The following ARNT2 variants were observed in gnomAD, a reference collection of about 807,000 sequenced individuals.
The protein encoded by ARNT2 is ARNT protein 2.
In ARNT2, 36 loss-of-function variants were observed where a neutral mutation model predicts 91.7. That is an observed-to-expected ratio of 0.39 (90% CI 0.30 to 0.52). ARNT2 has a LOEUF of 0.52. Ranked by LOEUF, ARNT2 falls within the 20% of genes least tolerant of loss-of-function variation. The pLI is 0.72. For synonymous variants in ARNT2, 365 were observed against 347.1 expected (o/e 1.05, Z -0.57); for missense variants, 775 against 939.3 (o/e 0.83, Z 2.29).
chr15:80,565,469 C>G (rs1385179458), intron 12 of ARNT2, among the ~76,000 whole-genome samples: 1 of 151,996 alleles, frequency 6.6e-6, no homozygotes, highest in African/African-American at 2.4e-5. Flanking sequence ...ATTTACATTC[C>G]CATCATCAGT....
chr15:80,524,516 C>A (rs1021983217), intron 8 of ARNT2, among the ~76,000 whole-genome samples: 2 of 152,136 alleles, frequency 1.3e-5, no homozygotes, highest in Non-Finnish European at 2.9e-5. Context: ...TTAAAAATAG[C>A]ATGGGACATC....
At position 80,597,207 on chromosome 15, in the gene ARNT2, G is replaced by T. The variant is rs76861207; in HGVS notation, c.*3509G>T. On this transcript the variant is annotated 3_prime_UTR_variant, in exon 19 of 19. Coordinates refer to ENST00000303329, the MANE Select transcript of ARNT2 (RefSeq NM_014862.4). ...AAACCAGTCCCAGGGAATGAATGGTGGTCTCCCCACTCCCGGCAGCACTTT... is the reference window on the plus strand; with the variant it reads ...AAACCAGTCCCAGGGAATGAATGGTTGTCTCCCCACTCCCGGCAGCACTTT... The T allele has an allele frequency of 1.9e-6, 1 of 518,168 alleles. No individual in the cohort carries two copies. The highest frequency in any genetic ancestry group is 3.8e-6 in the Non-Finnish European group (1 of 259,788). The allele number at this position is 518,168 out of a possible 1,614,324, so 32.1% of individuals were successfully genotyped here.
chr15:80,491,159 A>T (rs1897051110), intron 5 of ARNT2, among the ~76,000 whole-genome samples: 1 of 152,138 alleles, frequency 6.6e-6, no homozygotes, highest in South Asian at 2.1e-4. Flanking sequence ...GGCTCTGGGG[A>T]AGTGAGGAAG....
chr15:80,409,604 A>G (rs1448241723), intron 1 of ARNT2, among the ~76,000 whole-genome samples: 2 of 152,230 alleles, frequency 1.3e-5, no homozygotes, highest in African/African-American at 2.4e-5. Context: ...CACTGTGGTG[A>G]GCAAATTAGG....
At chr15:80,587,250 T>C (rs961029399) in intron 17 of ARNT2, among the ~76,000 whole-genome samples, 2 of 151,968 alleles carry the variant, frequency 1.3e-5, no homozygotes, top group African/African-American at 2.4e-5. Context: ...GTCAGCACTA[T>C]TGACATTTTA....
chr15:80,575,045 C>A lies in ARNT2; in HGVS notation c.1448C>A (p.Ala483Glu). The change falls in exon 14 of 19, where the codon GCG becomes GAG. Residue 483 changes from alanine to glutamate, a missense_variant. Ala to Glu is a moderately radical substitution (Grantham distance 107, BLOSUM62 -1). This residue lies in a region of ARNT2 where 325 missense variants were observed against 359.9 expected (regional missense o/e 0.90). Coordinates refer to ENST00000303329, the MANE Select transcript of ARNT2 (RefSeq NM_014862.4). ...VHEAGKSVEK[A>E]DAIFSQERDP... Reference sequence around the variant, plus strand: ...GAGGCCGGGAAGTCCGTGGAAAAGGCGGATGCAATCTTCTCCCAGGAAAGA... The same window carrying A: ...GAGGCCGGGAAGTCCGTGGAAAAGGAGGATGCAATCTTCTCCCAGGAAAGA... The A allele has an allele frequency of 1.2e-6, 2 of 1,614,152 alleles. No homozygotes were observed. The highest frequency in any genetic ancestry group is 2.2e-5 in the East Asian group (1 of 44,872).
At chr15:80,524,729 G>T (rs997487916) in intron 8 of ARNT2, among the ~76,000 whole-genome samples, 1 of 151,972 alleles carries the variant, frequency 6.6e-6, no homozygotes, top group African/African-American at 2.4e-5. Flanking sequence ...ACAAAAATTA[G>T]CTGGGCGTGG....
chr15:80,445,496 G>A (rs1896284336), intron 1 of ARNT2, among the ~76,000 whole-genome samples: 1 of 151,372 alleles, frequency 6.6e-6, no homozygotes. Context: ...TGGTGTGTGT[G>A]AGTGGTATGC....
At chr15:80,450,367 T>TA (rs960180397) in intron 1 of ARNT2, among the ~76,000 whole-genome samples, 1 of 152,216 alleles carries the variant, frequency 6.6e-6, no homozygotes, top group African/African-American at 2.4e-5. Flanking sequence ...AGGGCTCAGA[T>TA]ACTCAGGGCT....
intron 5 of ARNT2, among the ~76,000 whole-genome samples, chr15:80,504,884 C>T (rs770455837): frequency 4.6e-5 from 7 of 151,996 alleles, no homozygotes; most frequent in East Asian, 1.9e-4. Flanking sequence ...TGAGTCCTTC[C>T]GGGCAGCAGC....
In ARNT2 at chr15:80,527,316, G is replaced by A. The variant is rs191268516; in HGVS notation, c.877+12911G>A. Among the ~76,000 whole-genome samples, 31 of 152,304 alleles carry A rather than the reference G, an allele frequency of 2.0e-4. No individual in the cohort carries two copies. In the South Asian group the frequency reaches 2.7e-3, roughly 13 times the overall value. ...AAGCCACAGGTCAAGGGTCATAACC[G>A]AGACACATGTAGGGGAAACATGCAT... On this transcript the variant is annotated intron_variant, in intron 8 of 18. Transcript: ENST00000303329.
chr15:80,577,975 A>T (rs774063873), intron 15 of ARNT2, among the ~76,000 whole-genome samples: 12 of 152,194 alleles, frequency 7.9e-5, no homozygotes, highest in Admixed American at 7.9e-4. Flanking sequence ...CCTAACCATC[A>T]TCACCGCAGG....
At position 80,565,254 on chromosome 15, in the gene ARNT2, T is replaced by C. The variant is rs12442878; in HGVS notation, c.1316+2015T>C. Among the ~76,000 whole-genome samples, 721 of 152,324 alleles carry C rather than the reference T, an allele frequency of 4.7e-3. 9 individuals carry two copies. The highest frequency in any genetic ancestry group is 0.028 in the Admixed American group (434 of 15,300). ...TTTTCTTTATTCAGCCCACCGTTGA[T>C]GGGCACCTGGATTTGTTCCTTGTCT... is the stretch of plus-strand genomic sequence containing the variant. On this transcript the variant is annotated intron_variant, in intron 12 of 18. Coordinates refer to ENST00000303329, the MANE Select transcript of ARNT2 (RefSeq NM_014862.4).
At chr15:80,572,899 A>AGT (rs1046302890) in intron 12 of ARNT2, among the ~76,000 whole-genome samples, 3 of 152,228 alleles carry the variant, frequency 2.0e-5, no homozygotes, top group African/African-American at 7.2e-5. Context: ...GGTTGCTGTC[A>AGT]GTGCTGTGGA....
At chr15:80,575,160 C>A (rs1360186208) in intron 14 of ARNT2, 50 bp downstream of exon 14, 4 of 1,600,318 alleles carry the variant, frequency 2.5e-6, no homozygotes, top group Admixed American at 1.7e-5. Context: ...TTTACAGTTG[C>A]TTTCAGGCCA....
At chr15:80,479,703 AG>A in intron 5 of ARNT2, among the ~76,000 whole-genome samples, 1 of 152,308 alleles carries the variant, frequency 6.6e-6, no homozygotes, top group African/African-American at 2.4e-5. Context: ...AAAACCCAAG[AG>A]GACCTATTCT....
chr15:80,581,292 G>A lies in ARNT2; in HGVS notation c.1806G>A (p.Thr602=), dbSNP rs139431567. ...AGTCATCTCCCTTTGGGATTGGAAC[G>A]AGCCACACCTACCCGGCAGACCCCT... ...KTQSSPFGIG[T]SHTYPADPSS... is the part of the protein sequence containing the mutation. Residue 602 remains threonine, a synonymous_variant, in exon 17 of 19, where the codon ACG becomes ACA. Transcript: ENST00000303329. 196 of 1,614,030 alleles carry A rather than the reference G, an allele frequency of 1.2e-4. No individual in the cohort carries two copies. The highest frequency in any genetic ancestry group is 1.6e-4 in the Non-Finnish European group (186 of 1,180,044).
intron 17 of ARNT2, among the ~76,000 whole-genome samples, chr15:80,587,339 T>C (rs1893191588): frequency 6.6e-6 from 1 of 151,940 alleles, no homozygotes; most frequent in African/African-American, 2.4e-5. Flanking sequence ...CTCTACCTAC[T>C]AGGATTTCTC....
intron 1 of ARNT2, among the ~76,000 whole-genome samples, chr15:80,428,709 G>A (rs1477629607): frequency 6.6e-6 from 1 of 152,222 alleles, no homozygotes; most frequent in Non-Finnish European, 1.5e-5. Context: ...GGGGAGATGA[G>A]CAGGATTCTG....
Sources: allele counts gnomAD v4.1 joint callset (sites outside exome capture counted in the v4.1 genomes callset), GRCh38; gene constraint gnomAD v4.1.1; regional missense constraint gnomAD v4.1.1; transcripts MANE v1.5; gene names NCBI Gene and HGNC (gene_info 2026-07-23, HGNC 2026-07-21).